POPDC1: variants seen among roughly 807,000 people sequenced by gnomAD.
The protein encoded by POPDC1 is popeye domain cAMP effector 1, also known as popeye domain-containing protein 1.
At chr6:105,106,106 T>C in the POPDC1 span, among the ~76,000 whole-genome samples, 1 of 152,200 alleles carries the variant, frequency 6.6e-6, no homozygotes, top group Non-Finnish European at 1.5e-5. Context: ...TTCTGTTAGC[T>C]ATAATCACCT....
chr6:105,112,717 G>T, the POPDC1 span, among the ~76,000 whole-genome samples: 1 of 152,144 alleles, frequency 6.6e-6, no homozygotes, highest in Admixed American at 6.5e-5. Flanking sequence ...AGAAAAAGTG[G>T]CTTGGGGCAA....
chr6:105,103,204 T>C, the POPDC1 span, among the ~76,000 whole-genome samples: 1 of 152,244 alleles, frequency 6.6e-6, no homozygotes, highest in East Asian at 1.9e-4. Context: ...ACCTATTTCA[T>C]ATGGTTGTTA....
the POPDC1 span, among the ~76,000 whole-genome samples, chr6:105,110,116 G>A: frequency 6.6e-6 from 1 of 152,156 alleles, no homozygotes; most frequent in African/African-American, 2.4e-5. Context: ...TCTACTGGCT[G>A]GGGGAGACAT....
chr6:105,116,802 G>T, the POPDC1 span: 1 of 1,612,524 alleles, frequency 6.2e-7, no homozygotes, highest in Non-Finnish European at 8.5e-7. Context: ...TCTGATTCCA[G>T]AAAGTATGTT....
the POPDC1 span, chr6:105,133,541 T>C: frequency 3.1e-6 from 5 of 1,613,556 alleles, no homozygotes; most frequent in Non-Finnish European, 2.5e-6. Context: ...CCTATGGCAG[T>C]TGATTCTCTC....
the POPDC1 span, among the ~76,000 whole-genome samples, chr6:105,105,795 C>T: frequency 6.6e-6 from 1 of 152,174 alleles, no homozygotes; most frequent in Non-Finnish European, 1.5e-5. Flanking sequence ...CAACTATCTT[C>T]CAGAGATGTG....
At chr6:105,101,335 C>T in the POPDC1 span, 1 of 1,063,142 alleles carries the variant, frequency 9.4e-7, no homozygotes, top group Non-Finnish European at 1.3e-6. Context: ...CTAGCAGCAC[C>T]AAGAACACAA....
At chr6:105,127,298 C>G in the POPDC1 span, among the ~76,000 whole-genome samples, 2 of 152,194 alleles carry the variant, frequency 1.3e-5, no homozygotes, top group African/African-American at 4.8e-5. Context: ...ATCATATCAG[C>G]AACTTCTGAA....
chr6:105,115,669 G>A, the POPDC1 span: 1 of 1,613,810 alleles, frequency 6.2e-7, no homozygotes, highest in Non-Finnish European at 8.5e-7. Flanking sequence ...AGTAGTATCA[G>A]TTTTGGGATA....
the POPDC1 span, chr6:105,101,046 T>C: frequency 1.9e-6 from 3 of 1,573,556 alleles, no homozygotes; most frequent in African/African-American, 2.7e-5. Flanking sequence ...TCAGGATCTC[T>C]TCAAGACACC....
At chr6:105,099,180 A>C in the POPDC1 span, 1 of 152,188 alleles carries the variant, frequency 6.6e-6, no homozygotes, top group African/African-American at 2.4e-5. Flanking sequence ...TTTTACTGTG[A>C]TGTCAATAAA....
the POPDC1 span, chr6:105,101,031 A>AT: frequency 2.0e-6 from 3 of 1,529,550 alleles, no homozygotes; most frequent in Non-Finnish European, 1.8e-6. Context: ...AAGTGCTGGT[A>AT]TTTTTCAGGA....
chr6:105,099,809 G>A, the POPDC1 span: 1 of 152,212 alleles, frequency 6.6e-6, no homozygotes, highest in East Asian at 1.9e-4. Context: ...TGAACAATCT[G>A]GAACTTCAGA....
chr6:105,104,826 T>C, the POPDC1 span, among the ~76,000 whole-genome samples: 3 of 152,174 alleles, frequency 2.0e-5, no homozygotes, highest in African/African-American at 7.2e-5. Context: ...GACCACAAGG[T>C]GCTAGGACAA....
chr6:105,114,623 T>A, the POPDC1 span, among the ~76,000 whole-genome samples: 1 of 152,286 alleles, frequency 6.6e-6, no homozygotes, highest in Non-Finnish European at 1.5e-5. Flanking sequence ...TGCTATTTCA[T>A]ATGAATTTGT....
the POPDC1 span, chr6:105,129,419 T>A: frequency 1.9e-6 from 3 of 1,612,474 alleles, 1 homozygote; most frequent in Non-Finnish European, 2.5e-6. Flanking sequence ...ATGCAAAATG[T>A]TGACACCCAA....
chr6:105,114,640 T>G, the POPDC1 span, among the ~76,000 whole-genome samples: 13 of 152,376 alleles, frequency 8.5e-5, no homozygotes, highest in South Asian at 2.7e-3. Context: ...TTGTTCAAAG[T>G]TTTTATACCA....
At chr6:105,134,192 T>TTA in the POPDC1 span, among the ~76,000 whole-genome samples, 2,035 of 152,228 alleles carry the variant, frequency 0.013, 45 homozygotes, top group African/African-American at 0.047. Context: ...ATATAAACAT[T>TTA]TATATATACA....
At chr6:105,135,259 A>G in the POPDC1 span, among the ~76,000 whole-genome samples, 1 of 152,118 alleles carries the variant, frequency 6.6e-6, no homozygotes, top group Non-Finnish European at 1.5e-5. Flanking sequence ...TCAACCTGAT[A>G]AACACTTTCA....
Sources: gnomAD v4.1 joint callset for allele counts (sites outside exome capture counted in the v4.1 genomes callset) on GRCh38, gnomAD v4.1.1 for gene constraint, MANE v1.5 for transcripts, NCBI Gene and HGNC (gene_info 2026-07-23, HGNC 2026-07-21) for gene names.